The following UBE2L3 variants were observed in gnomAD, a reference collection of about 807,000 sequenced individuals.
The protein encoded by UBE2L3 is ubiquitin-conjugating enzyme E2 L3.
In UBE2L3, 1 loss-of-function variant was observed where a neutral mutation model predicts 17.8. That is an observed-to-expected ratio of 0.06 (90% CI 0.02 to 0.27). The LOEUF (loss-of-function observed/expected upper bound fraction) is 0.27, where lower values mean the gene tolerates loss of function less well. UBE2L3 is among the 10% of genes least tolerant of loss of function. The pLI is 1.00. For missense variants in UBE2L3, 40 were observed against 192.6 expected, an observed-to-expected ratio of 0.21 and a Z score of 4.69; for synonymous variants, 44 against 68.5, an observed-to-expected ratio of 0.64 and a Z score of 1.76.
intron 2 of UBE2L3, among the ~76,000 whole-genome samples, chr22:21,597,470 T>A (rs1055450175): frequency 2.0e-5 from 3 of 151,968 alleles, no homozygotes; most frequent in African/African-American, 7.3e-5. Context: ...ATTTTAATTA[T>A]TTTTTCTGTA....
At chr22:21,612,489 C>T (rs5998676) in intron 3 of UBE2L3, among the ~76,000 whole-genome samples, 1 of 151,464 alleles carries the variant, frequency 6.6e-6, no homozygotes, top group African/African-American at 2.4e-5. Flanking sequence ...CCACGCCCGG[C>T]TAATTTTTTG....
chr22:21,612,349 C>T (rs950412250), intron 3 of UBE2L3, among the ~76,000 whole-genome samples: 5 of 151,996 alleles, frequency 3.3e-5, no homozygotes, highest in Admixed American at 6.6e-5. Flanking sequence ...TTTTTGGAAA[C>T]GGAGTCTCGC....
At chr22:21,554,968 GT>G (rs1348404777) in intron 1 of UBE2L3, among the ~76,000 whole-genome samples, 1 of 145,440 alleles carries the variant, frequency 6.9e-6, no homozygotes, top group East Asian at 2.0e-4. Context: ...TAGAGACGAG[GT>G]TTCGCCATGT....
intron 1 of UBE2L3, among the ~76,000 whole-genome samples, chr22:21,584,853 C>T (rs1927851473): frequency 6.6e-6 from 1 of 152,022 alleles, no homozygotes; most frequent in African/African-American, 2.4e-5. Flanking sequence ...CCCAGCTACT[C>T]AGGAGGCTGA....
intron 2 of UBE2L3, among the ~76,000 whole-genome samples, chr22:21,596,403 C>T (rs1189706785): frequency 6.6e-6 from 1 of 152,014 alleles, no homozygotes; most frequent in African/African-American, 2.4e-5. Context: ...GACAGTCTTA[C>T]TCTGTCACCC....
chr22:21,575,548 C>T (rs1052172600), intron 1 of UBE2L3, among the ~76,000 whole-genome samples: 1 of 145,178 alleles, frequency 6.9e-6, no homozygotes, highest in Admixed American at 6.9e-5. Context: ...GAGATGGTGC[C>T]ACTGCGCTCC....
intron 2 of UBE2L3, among the ~76,000 whole-genome samples, chr22:21,599,201 C>T (rs1047581835): frequency 1.3e-5 from 2 of 152,134 alleles, no homozygotes; most frequent in African/African-American, 4.8e-5. Context: ...CTGCATTGCC[C>T]CTCTGGCCTT....
chr22:21,621,863 A>C lies in UBE2L3; in HGVS notation c.*194A>C, dbSNP rs1229460600. ...CCTGTAAAGAAAGGATTAAAAATTT[A>C]AGATGTTCTAGTTCTGCTCTCTTTG... is the stretch of plus-strand genomic sequence containing the variant. On this transcript the variant is annotated 3_prime_UTR_variant, in exon 4 of 4. Transcript: ENST00000342192. 1 of 542,698 alleles carries C rather than the reference A, an allele frequency of 1.8e-6. No homozygotes were observed. The highest frequency in any genetic ancestry group is 3.2e-6 in the Non-Finnish European group (1 of 309,684). The allele number at this position is 542,698 out of a possible 1,614,324, so 33.6% of individuals were successfully genotyped here. A position where few individuals can be genotyped will look rare whatever the true frequency, so the allele number is the denominator to read the frequency against.
At chr22:21,618,290 G>T (rs543411262) in intron 3 of UBE2L3, among the ~76,000 whole-genome samples, 33 of 151,998 alleles carry the variant, frequency 2.2e-4, no homozygotes, top group African/African-American at 7.2e-4. Context: ...ATTTTGCCAG[G>T]TGCAGTGGCT....
chr22:21,566,153 A>C (rs9607032), upstream of UBE2L3, among the ~76,000 whole-genome samples: 14 of 151,976 alleles, frequency 9.2e-5, no homozygotes, highest in Admixed American at 7.2e-4. Context: ...TTGTATTTTT[A>C]GTAGAGACGG....
intron 2 of UBE2L3, among the ~76,000 whole-genome samples, chr22:21,596,166 A>G (rs1928513614): frequency 6.6e-6 from 1 of 152,108 alleles, no homozygotes; most frequent in South Asian, 2.1e-4. Context: ...GCTGGCCTTC[A>G]TGCAGTTTTT....
upstream of UBE2L3, chr22:21,567,682 G>C: frequency 6.4e-7 from 1 of 1,554,624 alleles, no homozygotes; most frequent in Non-Finnish European, 8.7e-7. Flanking sequence ...CAGGAAGTGC[G>C]GGGGCTCCAG....
rs1928336510 is a variant in UBE2L3 at position 21,592,880 on chromosome 22, A to G, written c.47A>G (p.Lys16Arg). Residue 16 changes from lysine (K) to arginine (R), a missense_variant, in exon 2 of 4, where the codon AAA becomes AGA. By Grantham distance (26) the Lys-to-Arg change is conservative. Coordinates refer to ENST00000342192, the MANE Select transcript of UBE2L3 (RefSeq NM_003347.4). ...RLMKELEEIR[K>R]CGMKNFRNIQ... is the part of the protein sequence containing the mutation. The stretch of plus-strand genomic sequence containing the variant: ...CAACAGGAGCTTGAAGAAATCCGCA[A>G]ATGTGGGATGAAAAACTTCCGTAAC... The G allele has an allele frequency of 1.2e-6, 2 of 1,613,286 alleles. No individual in the cohort carries two copies. Among genetic ancestry groups the G allele is most frequent in the South Asian group, 1.1e-5 (1 of 91,046 alleles).
At chr22:21,586,570 C>CTTT (rs77935916) in intron 1 of UBE2L3, among the ~76,000 whole-genome samples, 4 of 138,182 alleles carry the variant, frequency 2.9e-5, no homozygotes, top group Admixed American at 7.3e-5. Flanking sequence ...TGCACCCAGC[C>CTTT]TTTTTTTTTT....
intron 2 of UBE2L3, among the ~76,000 whole-genome samples, chr22:21,593,292 G>T (rs1928357286): frequency 6.6e-6 from 1 of 152,142 alleles, no homozygotes; most frequent in African/African-American, 2.4e-5. Flanking sequence ...AGCTCCTCAG[G>T]AGGGGACAAG....
chr22:21,592,258 T>G, intron 1 of UBE2L3, among the ~76,000 whole-genome samples: 1 of 150,032 alleles, frequency 6.7e-6, no homozygotes, highest in Admixed American at 6.6e-5. Flanking sequence ...AGGTTTCCCG[T>G]CCCCACCCCC....
intron 3 of UBE2L3, among the ~76,000 whole-genome samples, chr22:21,618,907 A>G (rs764809122): frequency 9.2e-5 from 14 of 152,156 alleles, no homozygotes; most frequent in Non-Finnish European, 1.8e-4. Context: ...TACCAAGGTG[A>G]TGATAGTGAG....
chr22:21,616,499 A>T (rs558816199), intron 3 of UBE2L3, among the ~76,000 whole-genome samples: 1 of 152,096 alleles, frequency 6.6e-6, no homozygotes, highest in African/African-American at 2.4e-5. Context: ...AAATACAAAA[A>T]AAATTAGCTG....
upstream of UBE2L3, among the ~76,000 whole-genome samples, chr22:21,564,988 C>A (rs999648857): frequency 6.6e-6 from 1 of 152,024 alleles, no homozygotes; most frequent in African/African-American, 2.4e-5. Flanking sequence ...CAGGCAGAAT[C>A]GCTGATCACA....
Sources: allele counts gnomAD v4.1 joint callset (sites outside exome capture counted in the v4.1 genomes callset), GRCh38; gene constraint gnomAD v4.1.1; transcripts MANE v1.5; gene names NCBI Gene and HGNC (gene_info 2026-07-23, HGNC 2026-07-21).